ATP8B4: variants seen among roughly 807,000 people sequenced by gnomAD.
ATP8B4 encodes the protein probable phospholipid-transporting ATPase IM.
In ATP8B4, 133 loss-of-function variants were observed where a neutral mutation model predicts 145.6. That is an observed-to-expected ratio of 0.91 (90% CI 0.79 to 1.05). The LOEUF (loss-of-function observed/expected upper bound fraction) is 1.05. ATP8B4 is among the 50% of genes least tolerant of loss of function. The pLI, the probability that ATP8B4 is intolerant of heterozygous loss-of-function variation, is 0.00. For synonymous variants in ATP8B4, 507 were observed against 492.9 expected (o/e 1.03, Z -0.38); for missense variants, 1,458 against 1,425.2 (o/e 1.02, Z -0.37).
At chr15:49,917,160 G>C in intron 19 of ATP8B4, 121 bp from the exon 20 acceptor site, 1 of 860,020 alleles carries the variant, frequency 1.2e-6, no homozygotes, top group Non-Finnish European at 1.8e-6. Context: ...TGATGTCAGA[G>C]AGAGCACAAC....
chr15:50,128,047 C>G (rs1040120815), intron 1 of ATP8B4, among the ~76,000 whole-genome samples: 8 of 152,226 alleles, frequency 5.3e-5, no homozygotes, highest in African/African-American at 1.9e-4. Flanking sequence ...AAGGAAGGTG[C>G]TACCTTCAGA....
chr15:49,920,184 A>G (rs1469003271), intron 18 of ATP8B4, 62 bp downstream of exon 18: 1 of 1,565,808 alleles, frequency 6.4e-7, no homozygotes, highest in African/African-American at 1.4e-5. Context: ...TTCCTGTGCT[A>G]AATCTCTAAA....
chr15:49,968,377 C>T (rs1017046818), intron 13 of ATP8B4, among the ~76,000 whole-genome samples: 1 of 152,014 alleles, frequency 6.6e-6, no homozygotes, highest in Admixed American at 6.5e-5. Flanking sequence ...TTCAGGAGAG[C>T]CATCTCATGT....
At chr15:50,134,656 A>T (rs554508042) in intron 1 of ATP8B4, among the ~76,000 whole-genome samples, 2 of 152,362 alleles carry the variant, frequency 1.3e-5, no homozygotes, top group Admixed American at 6.5e-5. Flanking sequence ...ACATGACAAT[A>T]ATAGCCTAAG....
chr15:50,076,395 G>A (rs1255327359), intron 2 of ATP8B4, among the ~76,000 whole-genome samples: 2 of 152,076 alleles, frequency 1.3e-5, no homozygotes, highest in Non-Finnish European at 2.9e-5. Context: ...GGGAGGCTGA[G>A]GCAGGAAAAT....
intron 6 of ATP8B4, among the ~76,000 whole-genome samples, chr15:50,026,086 T>G (rs1335897189): frequency 1.3e-5 from 2 of 152,222 alleles, no homozygotes; most frequent in African/African-American, 4.8e-5. Flanking sequence ...CCTAATCCAT[T>G]TTGTAACTTT....
Position 49,862,244 on chromosome 15 carries a change from C to T in ATP8B4, c.3297+1G>A. 3 of 1,613,044 alleles carry T rather than the reference C, an allele frequency of 1.9e-6. No individual in the cohort carries two copies. Among genetic ancestry groups the T allele is most frequent in the Non-Finnish European group, 2.5e-6 (3 of 1,179,266 alleles). Reference sequence around the variant, plus strand: ...AAGTATTCATCAGCACTGTGACATACCTGATCACTCAGGGTTGGGTATAAA... The same window carrying T: ...AAGTATTCATCAGCACTGTGACATATCTGATCACTCAGGGTTGGGTATAAA... On this transcript the variant is annotated splice_donor_variant, in intron 27 of 27. Coordinates refer to ENST00000284509, the MANE Select transcript of ATP8B4 (RefSeq NM_024837.4). LOFTEE classifies it high-confidence loss of function.
intron 1 of ATP8B4, among the ~76,000 whole-genome samples, chr15:50,139,672 C>A (rs936941214): frequency 3.9e-5 from 6 of 152,170 alleles, no homozygotes; most frequent in Middle Eastern, 3.2e-3. Flanking sequence ...ATAGATCAGA[C>A]TAGTAGTTCA....
Position 49,920,375 on chromosome 15 carries a change from G to A in ATP8B4, c.1794C>T (p.Ile598=), listed in dbSNP as rs72733094. Residue 598 remains isoleucine (I), a synonymous_variant, in exon 18 of 28, where the codon ATC becomes ATT. Transcript: ENST00000284509. The part of the protein sequence containing the change: ...FAGEGLRTLA[I]AYRDLDDKYF... Reference sequence around the variant, plus strand: ...ACTTGTCATCCAGGTCTCTGTATGCGATGGCCAAGGTCCGAAGGCCTTCCC... The same window carrying A: ...ACTTGTCATCCAGGTCTCTGTATGCAATGGCCAAGGTCCGAAGGCCTTCCC... 1.1e-4 allele frequency: 172 copies of A among 1,613,998 alleles called. No individual in the cohort carries two copies. Among genetic ancestry groups the A allele is most frequent in the Non-Finnish European group, 1.4e-4 (163 of 1,180,014 alleles).
At chr15:50,093,452 A>G (rs74992942) in intron 2 of ATP8B4, among the ~76,000 whole-genome samples, 4,579 of 152,210 alleles carry the variant, frequency 0.03, 78 homozygotes, top group South Asian at 0.063. Flanking sequence ...TAGTAAAAGT[A>G]CTCATTCAAC....
rs1461861451 is a variant in ATP8B4 at position 50,073,013 on chromosome 15, TATATATACACACACACACAC to T, written c.87+1094_87+1113del. ...ATATATATATATATATATATATATA[TATATATACACACACACACAC>T]ACACACACACACACACACACTATAC... On this transcript the variant is annotated intron_variant, in intron 3 of 27. Coordinates refer to ENST00000284509, the MANE Select transcript of ATP8B4 (RefSeq NM_024837.4). 2.9e-3 allele frequency among the ~76,000 whole-genome samples: 117 copies of T among 40,590 alleles called. 3 individuals carry two copies. The highest frequency in any genetic ancestry group is 9.4e-3 in the African/African-American group (79 of 8,412). The allele number at this position is 40,590 out of a possible 152,430, so 26.6% of individuals were successfully genotyped here. A position where few individuals can be genotyped will look rare whatever the true frequency, so the allele number is the denominator to read the frequency against.
intron 14 of ATP8B4, among the ~76,000 whole-genome samples, chr15:49,957,697 T>C (rs2043700384): frequency 6.6e-6 from 1 of 152,060 alleles, no homozygotes; most frequent in Non-Finnish European, 1.5e-5. Context: ...AGAGTACTTT[T>C]AATGTTAAAT....
At chr15:49,860,556 C>A in intron 27 of ATP8B4, 81 bp from the exon 28 acceptor site, 5 of 1,423,940 alleles carry the variant, frequency 3.5e-6, no homozygotes, top group South Asian at 1.6e-5. Flanking sequence ...AAAGTGAAAG[C>A]CTTTTTTTTT....
intron 3 of ATP8B4, among the ~76,000 whole-genome samples, chr15:50,054,343 C>T (rs1355948386): frequency 1.3e-5 from 2 of 152,174 alleles, no homozygotes; most frequent in African/African-American, 4.8e-5. Flanking sequence ...CCCAAATGCT[C>T]ACAACTTACT....
chr15:50,138,076 G>T (rs28378462), intron 1 of ATP8B4, among the ~76,000 whole-genome samples: 4,461 of 152,228 alleles, frequency 0.029, 217 homozygotes, highest in African/African-American at 0.1. Context: ...TCAGCAATCT[G>T]TAAACCACAT....
chr15:49,874,632 G>GA (rs948372948), intron 25 of ATP8B4, among the ~76,000 whole-genome samples: 2 of 152,170 alleles, frequency 1.3e-5, no homozygotes, highest in Non-Finnish European at 2.9e-5. Flanking sequence ...AATCCTCTCT[G>GA]AAAAAACATG....
At chr15:50,148,057 G>C (rs2044301904) in intron 1 of ATP8B4, among the ~76,000 whole-genome samples, 1 of 152,088 alleles carries the variant, frequency 6.6e-6, no homozygotes, top group African/African-American at 2.4e-5. Flanking sequence ...AGCAATAATG[G>C]GACAATCAGG....
intron 25 of ATP8B4, among the ~76,000 whole-genome samples, chr15:49,867,823 C>G (rs1045258026): frequency 6.6e-6 from 1 of 152,192 alleles, no homozygotes; most frequent in Non-Finnish European, 1.5e-5. Flanking sequence ...GAAAAACACA[C>G]TATTCCTGAA....
intron 3 of ATP8B4, among the ~76,000 whole-genome samples, chr15:50,067,703 T>C (rs934194912): frequency 6.6e-6 from 1 of 152,148 alleles, no homozygotes; most frequent in African/African-American, 2.4e-5. Flanking sequence ...CCTTTCTTAA[T>C]AGCTCCAGTA....
Sources: gnomAD v4.1 joint callset for allele counts (sites outside exome capture counted in the v4.1 genomes callset) on GRCh38, gnomAD v4.1.1 for gene constraint, MANE v1.5 for transcripts, NCBI Gene and HGNC (gene_info 2026-07-23, HGNC 2026-07-21) for gene names.